CDKAL1: variants seen among roughly 807,000 people sequenced by gnomAD.
CDKAL1 encodes the protein threonylcarbamoyladenosine tRNA methylthiotransferase.
A neutral mutation model predicts 68.2 loss-of-function variants in CDKAL1; 32 were observed. The ratio of observed to expected loss-of-function variants is 0.47; its 90% confidence interval spans 0.35 to 0.63. CDKAL1 has a LOEUF of 0.63. Ranked by LOEUF, CDKAL1 falls within the 30% of genes least tolerant of loss-of-function variation. The pLI is 0.00. For missense variants in CDKAL1, 606 were observed against 696.7 expected (o/e 0.87, Z 1.47); for synonymous variants, 234 against 244.3 (o/e 0.96, Z 0.39).
At chr6:21,121,560 A>T (rs1263006743) in intron 13 of CDKAL1, among the ~76,000 whole-genome samples, 1 of 152,240 alleles carries the variant, frequency 6.6e-6, no homozygotes, top group Non-Finnish European at 1.5e-5. Flanking sequence ...GAAGTTTGTC[A>T]TAGGGATTAA....
chr6:20,912,913 C>T (rs543645269), intron 9 of CDKAL1, among the ~76,000 whole-genome samples: 65 of 151,068 alleles, frequency 4.3e-4, no homozygotes, highest in African/African-American at 1.4e-3. Flanking sequence ...CTTAGCTATC[C>T]AATATGTACA....
At chr6:21,083,513 T>C (rs1772524658) in intron 12 of CDKAL1, among the ~76,000 whole-genome samples, 1 of 152,220 alleles carries the variant, frequency 6.6e-6, no homozygotes, top group African/African-American at 2.4e-5. Context: ...GTTACAGACA[T>C]CATGTCCCTT....
At chr6:20,637,036 C>CAAA in intron 4 of CDKAL1, among the ~76,000 whole-genome samples, 1 of 113,258 alleles carries the variant, frequency 8.8e-6, no homozygotes, top group East Asian at 2.6e-4. Context: ...GACTCCGTCT[C>CAAA]AAAAAAAAAA....
intron 13 of CDKAL1, among the ~76,000 whole-genome samples, chr6:21,150,007 A>C (rs564615876): frequency 2.0e-5 from 3 of 151,920 alleles, no homozygotes; most frequent in African/African-American, 7.3e-5. Flanking sequence ...ACAGGCGCCC[A>C]CCACCACACC....
intron 9 of CDKAL1, among the ~76,000 whole-genome samples, chr6:20,852,967 T>C (rs557201806): frequency 8.7e-4 from 132 of 152,354 alleles, no homozygotes; most frequent in African/African-American, 3.0e-3. Flanking sequence ...GGACAAATAG[T>C]AAATATTTTA....
intron 12 of CDKAL1, among the ~76,000 whole-genome samples, chr6:21,078,728 G>T (rs918268394): frequency 6.6e-6 from 1 of 152,110 alleles, no homozygotes; most frequent in African/African-American, 2.4e-5. Context: ...AGGGTGAGGA[G>T]GAGAGCTTGG....
At chr6:21,048,142 C>T (rs1349082138) in intron 11 of CDKAL1, among the ~76,000 whole-genome samples, 3 of 152,126 alleles carry the variant, frequency 2.0e-5, no homozygotes, top group Non-Finnish European at 4.4e-5. Flanking sequence ...GCTTTGCAGA[C>T]CATGCAGTTT....
intron 10 of CDKAL1, among the ~76,000 whole-genome samples, chr6:20,966,580 G>A (rs886564223): frequency 1.3e-5 from 2 of 152,100 alleles, no homozygotes; most frequent in Admixed American, 1.3e-4. Context: ...GTTTGAGGGG[G>A]GAAATGGTTT....
At chr6:21,155,000 C>CA (rs70993207) in intron 13 of CDKAL1, among the ~76,000 whole-genome samples, 71 of 142,100 alleles carry the variant, frequency 5.0e-4, no homozygotes, top group South Asian at 6.6e-4. Flanking sequence ...CCACCCCCCC[C>CA]AAAAAAAAAA....
intron 15 of CDKAL1, among the ~76,000 whole-genome samples, chr6:21,227,642 G>C (rs1779799696): frequency 6.6e-6 from 1 of 152,242 alleles, no homozygotes; most frequent in African/African-American, 2.4e-5. Context: ...GCAGGATGCA[G>C]GGTGCAGACT....
chr6:20,623,483 T>C (rs1418190235), intron 4 of CDKAL1, among the ~76,000 whole-genome samples: 1 of 152,126 alleles, frequency 6.6e-6, no homozygotes, highest in East Asian at 1.9e-4. Context: ...TACAATACAC[T>C]TTCCCAAAAT....
chr6:20,610,349 C>G (rs1053947591), intron 4 of CDKAL1, among the ~76,000 whole-genome samples: 1 of 152,122 alleles, frequency 6.6e-6, no homozygotes, highest in African/African-American at 2.4e-5. Context: ...TTTGAGGAAT[C>G]GCCATACAGT....
intron 8 of CDKAL1, among the ~76,000 whole-genome samples, chr6:20,806,679 A>G (rs1321316279): frequency 6.6e-6 from 1 of 152,102 alleles, no homozygotes; most frequent in African/African-American, 2.4e-5. Flanking sequence ...CTGGTCTGAG[A>G]TGGTATCTCA....
intron 5 of CDKAL1, among the ~76,000 whole-genome samples, chr6:20,718,212 AT>A (rs1285613438): frequency 1.3e-5 from 2 of 152,166 alleles, no homozygotes; most frequent in African/African-American, 4.8e-5. Flanking sequence ...TTTCCAGTTC[AT>A]TTCCCTGAAC....
At chr6:20,955,213 C>T (rs1168016149) in intron 9 of CDKAL1, among the ~76,000 whole-genome samples, 3 of 152,198 alleles carry the variant, frequency 2.0e-5, no homozygotes, top group Non-Finnish European at 4.4e-5. Context: ...TGATAATTTA[C>T]AGCATTGTTG....
intron 13 of CDKAL1, among the ~76,000 whole-genome samples, chr6:21,147,974 G>A (rs1776257761): frequency 6.6e-6 from 1 of 152,170 alleles, no homozygotes; most frequent in Non-Finnish European, 1.5e-5. Flanking sequence ...CGGAAAGCAT[G>A]TTCTAATTAC....
At chr6:20,748,240 G>A (rs912854051) in intron 6 of CDKAL1, among the ~76,000 whole-genome samples, 3 of 152,078 alleles carry the variant, frequency 2.0e-5, no homozygotes, top group Non-Finnish European at 4.4e-5. Flanking sequence ...TGTAATTGCC[G>A]CAACTCAAGA....
chr6:20,947,056 A>G (rs979686054), intron 9 of CDKAL1, among the ~76,000 whole-genome samples: 3 of 152,220 alleles, frequency 2.0e-5, no homozygotes, highest in Non-Finnish European at 2.9e-5. Context: ...TATCTGGTAC[A>G]TAATAGGTGT....
chr6:20,930,549 C>G (rs75626385), intron 9 of CDKAL1, among the ~76,000 whole-genome samples: 2 of 152,212 alleles, frequency 1.3e-5, no homozygotes, highest in Non-Finnish European at 2.9e-5. Context: ...AGGCAATGGC[C>G]GCTGGTCCAG....
Sources: allele counts gnomAD v4.1 joint callset (sites outside exome capture counted in the v4.1 genomes callset), GRCh38; gene constraint gnomAD v4.1.1; transcripts MANE v1.5; gene names NCBI Gene and HGNC (gene_info 2026-07-23, HGNC 2026-07-21).